The following LUZP2 variants were observed in gnomAD, a reference collection of about 807,000 sequenced individuals.
LUZP2 encodes the protein leucine zipper protein 2.
Under a neutral mutation model 51.6 loss-of-function variants are expected in LUZP2, and 52 were observed. The observed-to-expected ratio is 1.01, with a 90% confidence interval of 0.81 to 1.27. The LOEUF (loss-of-function observed/expected upper bound fraction) is 1.27. Ranked by LOEUF, LUZP2 falls within the 50% of genes most tolerant of loss-of-function variation. The pLI, the probability that LUZP2 is intolerant of heterozygous loss-of-function variation, is 0.00. For synonymous variants in LUZP2, 154 were observed against 137.3 expected, an observed-to-expected ratio of 1.12 and a Z score of -0.85; for missense variants, 436 against 395.4, an observed-to-expected ratio of 1.10 and a Z score of -0.87.
At chr11:24,504,041 C>T (rs1002937918) in intron 1 of LUZP2, among the ~76,000 whole-genome samples, 2 of 152,130 alleles carry the variant, frequency 1.3e-5, no homozygotes, top group African/African-American at 2.4e-5. Flanking sequence ...AAAGCAGAGT[C>T]ATTAATGAGT....
intron 6 of LUZP2, among the ~76,000 whole-genome samples, chr11:24,911,141 C>A (rs766941811): frequency 3.9e-5 from 6 of 152,156 alleles, no homozygotes; most frequent in Non-Finnish European, 8.8e-5. Flanking sequence ...TATATTTACC[C>A]AATGCCTGTA....
At chr11:24,960,457 C>G (rs1855358611) in intron 7 of LUZP2, among the ~76,000 whole-genome samples, 1 of 144,084 alleles carries the variant, frequency 6.9e-6, no homozygotes. Context: ...AGAGATTCAA[C>G]TTCTTCCTGG....
Position 24,938,096 on chromosome 11 carries a change from T to C in LUZP2, c.522+23558T>C, listed in dbSNP as rs1254767358. ...TAGACAAATGTATTTGTTTAATTTA[T>C]TTATTAATAAGAAGAAAAAAACCCA... On this transcript the variant is annotated intron_variant, in intron 7 of 11. Transcript: ENST00000336930. Among the ~76,000 whole-genome samples the C allele has an allele frequency of 2.0e-5, 3 of 152,102 alleles. No homozygotes were observed. The East Asian group carries it at 5.8e-4, about 29-fold the overall frequency.
chr11:24,607,880 G>T (rs1024561228), intron 1 of LUZP2, among the ~76,000 whole-genome samples: 3 of 147,782 alleles, frequency 2.0e-5, no homozygotes, highest in Middle Eastern at 3.5e-3. Flanking sequence ...ACGGAGTCTC[G>T]CTCTGTCACC....
intron 1 of LUZP2, among the ~76,000 whole-genome samples, chr11:24,654,981 TGAGCCAAAAAACATAA>T (rs975593029): frequency 6.6e-6 from 1 of 152,132 alleles, no homozygotes; most frequent in African/African-American, 2.4e-5. Flanking sequence ...AAACATAAAA[TGAGCCAAAAAACATAA>T]GTTTTAAAAA....
intron 10 of LUZP2, among the ~76,000 whole-genome samples, chr11:25,068,437 A>G (rs1565306260): frequency 6.6e-6 from 1 of 152,042 alleles, no homozygotes; most frequent in Non-Finnish European, 1.5e-5. Context: ...ATTAAAACCT[A>G]ACTTCTAACA....
At chr11:24,882,993 A>C (rs890208630) in intron 5 of LUZP2, among the ~76,000 whole-genome samples, 2 of 146,420 alleles carry the variant, frequency 1.4e-5, no homozygotes, top group Non-Finnish European at 3.0e-5. Flanking sequence ...GAAGGAAGGA[A>C]AGAAAAGAAA....
chr11:24,668,692 G>A (rs1856298235), intron 1 of LUZP2, among the ~76,000 whole-genome samples: 1 of 152,014 alleles, frequency 6.6e-6, no homozygotes, highest in African/African-American at 2.4e-5. Flanking sequence ...TCCTAGAAGG[G>A]GAATAGATAA....
In LUZP2 at chr11:24,785,767, AC is replaced by A. The variant is rs901295813; in HGVS notation, c.396+22460del. ...TGTGCTATTATATAAACTGTTAGAG[AC>A]AGAAGAGATGTCAGACAGCATTTAG... On this transcript the variant is annotated intron_variant, in intron 5 of 11. Transcript: ENST00000336930. 1.8e-5 allele frequency: 10 copies of A among 565,218 alleles called. No individual in the cohort carries two copies. The African/African-American group carries it at 2.0e-4, about 12-fold the overall frequency. The allele number at this position is 565,218 out of a possible 1,614,324, so 35.0% of individuals were successfully genotyped here.
At chr11:24,665,563 C>T (rs1856185780) in intron 1 of LUZP2, among the ~76,000 whole-genome samples, 1 of 152,110 alleles carries the variant, frequency 6.6e-6, no homozygotes. Context: ...CTCATAATCC[C>T]CAAATGTCAT....
chr11:25,074,955 AC>A (rs1481441096), intron 10 of LUZP2, among the ~76,000 whole-genome samples: 1 of 152,172 alleles, frequency 6.6e-6, no homozygotes, highest in African/African-American at 2.4e-5. Context: ...CTCCACTCTT[AC>A]CAAGTGCATT....
chr11:24,654,891 C>CA (rs1185415455), intron 1 of LUZP2, among the ~76,000 whole-genome samples: 2 of 151,144 alleles, frequency 1.3e-5, no homozygotes, highest in Non-Finnish European at 2.9e-5. Context: ...AGATTTTTTC[C>CA]AAAAAAATAA....
chr11:24,901,852 G>T (rs542570118), intron 5 of LUZP2, among the ~76,000 whole-genome samples: 4 of 152,188 alleles, frequency 2.6e-5, no homozygotes, highest in African/African-American at 9.6e-5. Context: ...TATATTTAGA[G>T]TCGAGTCCCA....
intron 5 of LUZP2, among the ~76,000 whole-genome samples, chr11:24,903,300 G>C (rs1246333248): frequency 6.6e-6 from 1 of 152,054 alleles, no homozygotes; most frequent in Non-Finnish European, 1.5e-5. Context: ...TACATTACTT[G>C]AACAAATCAG....
chr11:24,955,699 C>A (rs539801434), intron 7 of LUZP2, among the ~76,000 whole-genome samples: 70 of 152,094 alleles, frequency 4.6e-4, no homozygotes, highest in Non-Finnish European at 9.0e-4. Flanking sequence ...AAACTAATTT[C>A]ATGACCAGGG....
intron 5 of LUZP2, among the ~76,000 whole-genome samples, chr11:24,850,513 G>T (rs909644376): frequency 6.6e-6 from 1 of 150,848 alleles, no homozygotes; most frequent in Admixed American, 6.6e-5. Flanking sequence ...ATGCTGTTTT[G>T]GTTACTGTAG....
At chr11:24,619,806 A>G (rs1123221) in intron 1 of LUZP2, among the ~76,000 whole-genome samples, 54,054 of 152,006 alleles carry the variant, frequency 0.36, 9,765 homozygotes, top group Middle Eastern at 0.43. Flanking sequence ...AGGGAATAAT[A>G]ATAAGAAAAA....
At chr11:24,637,481 G>T (rs1855144264) in intron 1 of LUZP2, among the ~76,000 whole-genome samples, 1 of 151,836 alleles carries the variant, frequency 6.6e-6, no homozygotes, top group Non-Finnish European at 1.5e-5. Flanking sequence ...CATAAGATCT[G>T]ACTGCCTGTG....
chr11:24,969,851 C>G (rs954941500), intron 7 of LUZP2, among the ~76,000 whole-genome samples: 3 of 151,968 alleles, frequency 2.0e-5, no homozygotes, highest in African/African-American at 2.4e-5. Context: ...TTTTAGGAGG[C>G]CAGTCCATCT....
Sources: allele counts gnomAD v4.1 joint callset (sites outside exome capture counted in the v4.1 genomes callset), GRCh38; gene constraint gnomAD v4.1.1; transcripts MANE v1.5; gene names NCBI Gene and HGNC (gene_info 2026-07-23, HGNC 2026-07-21).